UNC5A: variants seen among roughly 807,000 people sequenced by gnomAD.
The protein encoded by UNC5A is unc-5 netrin receptor A, also known as netrin receptor UNC5A.
UNC5A carries 20 observed loss-of-function variants against 87.4 expected under a neutral mutation model. That is an observed-to-expected ratio of 0.23 (90% CI 0.16 to 0.33). UNC5A has a LOEUF of 0.33. UNC5A is among the 10% of genes least tolerant of loss of function. The pLI is 1.00. For synonymous variants in UNC5A, 438 were observed against 482.3 expected (o/e 0.91, Z 1.20); for missense variants, 844 against 1,133.4 (o/e 0.74, Z 3.67).
intron 5 of UNC5A, among the ~76,000 whole-genome samples, 183 bp from the exon 6 acceptor site, chr5:176,870,187 G>C (rs1758075159): frequency 6.6e-6 from 1 of 152,196 alleles, no homozygotes; most frequent in Non-Finnish European, 1.5e-5. Flanking sequence ...TCATTAGCAT[G>C]CGTCATCAAG....
rs377007799 is a variant in UNC5A, at chr5:176,879,901, G to A, written c.*15G>A. 71 of 1,606,436 alleles carry A rather than the reference G, an allele frequency of 4.4e-5. No individual in the cohort carries two copies. Among genetic ancestry groups the A allele is most frequent in the Middle Eastern group, 1.8e-4 (1 of 5,490 alleles). The stretch of plus-strand genomic sequence containing the variant: ...CTGAGTGCTGAGGCCGGCCAGGCCC[G>A]ACACCTACACTCTCACCAGCTTTGG... On this transcript the variant is annotated 3_prime_UTR_variant, in exon 15 of 15. Coordinates refer to ENST00000329542, the MANE Select transcript of UNC5A (RefSeq NM_133369.3).
chr5:176,820,126 G>A (rs764070384), intron 1 of UNC5A, among the ~76,000 whole-genome samples: 6 of 152,186 alleles, frequency 3.9e-5, no homozygotes, highest in Non-Finnish European at 5.9e-5. Flanking sequence ...GGCCGGGCAC[G>A]GTGGCTCATG....
chr5:176,841,591 T>G lies in UNC5A; in HGVS notation c.71-21033T>G, dbSNP rs692247. 4.9e-3 allele frequency among the ~76,000 whole-genome samples: 754 copies of G among 152,364 alleles called. 3 individuals are homozygous for G. The highest frequency in any genetic ancestry group is 0.017 in the African/African-American group (719 of 41,582). On this transcript the variant is annotated intron_variant, in intron 1 of 14. Coordinates refer to ENST00000329542, the MANE Select transcript of UNC5A (RefSeq NM_133369.3). This position sits in a 1 kb window ranked among gnomAD's most constrained non-coding sequence, Gnocchi z 4.1. ...TGTGAGGATGAAATGAGAAGTTCTC[T>G]ACAAATGTACATAGCACAAACCACA...
chr5:176,843,879 C>T (rs908042541), intron 1 of UNC5A, among the ~76,000 whole-genome samples: 2 of 152,236 alleles, frequency 1.3e-5, no homozygotes, highest in Non-Finnish European at 2.9e-5. Flanking sequence ...GACAGACGTG[C>T]GGCGCGTGGG....
At chr5:176,813,114 C>A (rs1756509380) in intron 1 of UNC5A, among the ~76,000 whole-genome samples, 1 of 152,236 alleles carries the variant, frequency 6.6e-6, no homozygotes, top group African/African-American at 2.4e-5. Flanking sequence ...CATGCTCGCA[C>A]CTGCAGGCCC....
rs534541412 is a variant in UNC5A, at chr5:176,868,917, A to G, written c.674A>G (p.Asn225Ser). 1 of 1,612,356 alleles carries G rather than the reference A, an allele frequency of 6.2e-7. No homozygotes were observed. Reference sequence around the variant, plus strand: ...GCCAACTACACCTGCGTGGCCAAGAACATCGTGGCACGTCGCCGCAGCGCC... The same window carrying G: ...GCCAACTACACCTGCGTGGCCAAGAGCATCGTGGCACGTCGCCGCAGCGCC... ...DTANYTCVAK[N>S]IVARRRSASA... Residue 225 changes from asparagine (N) to serine (S), a missense_variant, in exon 5 of 15, where the codon AAC becomes AGC. Physicochemically the swap from Asn to Ser is conservative, Grantham distance 46 (BLOSUM62 1). This residue lies in a region of UNC5A where 314 missense variants were observed against 466.5 expected (regional missense o/e 0.67). Coordinates refer to ENST00000329542, the MANE Select transcript of UNC5A (RefSeq NM_133369.3).
chr5:176,813,565 T>C (rs371865391), intron 1 of UNC5A, among the ~76,000 whole-genome samples: 2 of 152,308 alleles, frequency 1.3e-5, no homozygotes, highest in South Asian at 4.1e-4. Flanking sequence ...CTGGTCCTCT[T>C]GCTGCCTGCC....
At chr5:176,829,414 T>TG (rs1177339370) in intron 1 of UNC5A, among the ~76,000 whole-genome samples, 24 of 127,078 alleles carry the variant, frequency 1.9e-4, no homozygotes, top group Admixed American at 1.2e-3. Context: ...GTATGAAAGA[T>TG]GAATGGATGG....
intron 1 of UNC5A, among the ~76,000 whole-genome samples, chr5:176,813,271 G>A (rs1487327846): frequency 2.0e-5 from 3 of 152,224 alleles, no homozygotes; most frequent in Non-Finnish European, 4.4e-5. Context: ...GGAGGGACTT[G>A]GGAGCTGGCT....
At chr5:176,860,118 AC>A (rs1216970442) in intron 1 of UNC5A, among the ~76,000 whole-genome samples, 3 of 152,120 alleles carry the variant, frequency 2.0e-5, no homozygotes, top group African/African-American at 7.2e-5. Context: ...ACCCCTGCCC[AC>A]CCAGCTCCCC....
intron 2 of UNC5A, among the ~76,000 whole-genome samples, chr5:176,867,498 C>T (rs746981483): frequency 3.9e-5 from 6 of 152,160 alleles, no homozygotes; most frequent in Non-Finnish European, 4.4e-5. Context: ...CAGACAGTCC[C>T]GGGTCCCCAT....
At position 176,810,860 on chromosome 5, in the gene UNC5A, G is replaced by T; in HGVS notation, c.70+40G>T. On this transcript the variant is annotated intron_variant, in intron 1 of 14. Transcript: ENST00000329542. This position sits in a 1 kb window ranked among gnomAD's most constrained non-coding sequence, Gnocchi z 7.3. ...GCGCGCTCTGGGGAGGCTTGCGGGG[G>T]ACCGTGCGCGCGAACGCTCGCTGCT... 8.2e-7 allele frequency: 1 copy of T among 1,216,826 alleles called. No homozygotes were observed. The highest frequency in any genetic ancestry group is 4.1e-5 in the South Asian group (1 of 24,138). The allele number at this position is 1,216,826 out of a possible 1,614,324, so 75.4% of individuals were successfully genotyped here.
intron 1 of UNC5A, among the ~76,000 whole-genome samples, chr5:176,855,425 G>A (rs60053316): frequency 0.02 from 3,104 of 152,340 alleles, 104 homozygotes; most frequent in African/African-American, 0.07. Flanking sequence ...GGGAGAGGGG[G>A]AGCGTGCCCA....
intron 1 of UNC5A, among the ~76,000 whole-genome samples, chr5:176,823,142 A>C (rs1254266070): frequency 8.2e-6 from 1 of 122,002 alleles, no homozygotes; most frequent in Non-Finnish European, 1.6e-5. Flanking sequence ...GAGACGCTGC[A>C]AAGGGGGAGA....
chr5:176,839,740 A>G (rs73340084), intron 1 of UNC5A, among the ~76,000 whole-genome samples: 5,399 of 150,318 alleles, frequency 0.036, 202 homozygotes, highest in African/African-American at 0.088. Context: ...GACAGCAGAT[A>G]CCGCAAGCGA....
rs772433284 is a variant in UNC5A, at chr5:176,879,890, C to T, written c.*4C>T. On this transcript the variant is annotated 3_prime_UTR_variant, in exon 15 of 15. Coordinates refer to ENST00000329542, the MANE Select transcript of UNC5A (RefSeq NM_133369.3). ...AGTGTCGGAGGCTGAGTGCTGAGGC[C>T]GGCCAGGCCCGACACCTACACTCTC... is the stretch of plus-strand genomic sequence containing the variant. 70 of 1,608,896 alleles carry T rather than the reference C, an allele frequency of 4.4e-5. No homozygotes were observed. The East Asian group carries it at 1.3e-3, about 30-fold the overall frequency.
At chr5:176,842,191 C>T (rs917073955) in intron 1 of UNC5A, among the ~76,000 whole-genome samples, 12 of 152,172 alleles carry the variant, frequency 7.9e-5, no homozygotes, top group Admixed American at 4.6e-4. Context: ...AGCGAGACTC[C>T]GTCTCAAAAC....
intron 8 of UNC5A, 130 bp from the exon 9 acceptor site, chr5:176,877,060 TTG>T: frequency 2.8e-6 from 2 of 708,116 alleles, no homozygotes; most frequent in Non-Finnish European, 4.7e-6. Flanking sequence ...ACGGCAGTCT[TTG>T]AGGCCCCTCT....
chr5:176,862,127 A>G (rs1434242228), intron 1 of UNC5A, among the ~76,000 whole-genome samples: 1 of 152,168 alleles, frequency 6.6e-6, no homozygotes, highest in Non-Finnish European at 1.5e-5. Context: ...CCCACCCCGC[A>G]TGTTATTTCT....
Sources: allele counts gnomAD v4.1 joint callset (sites outside exome capture counted in the v4.1 genomes callset), GRCh38; gene constraint gnomAD v4.1.1; regional missense constraint gnomAD v4.1.1; non-coding constraint Gnocchi (gnomAD v3.1); transcripts MANE v1.5; gene names NCBI Gene and HGNC (gene_info 2026-07-23, HGNC 2026-07-21).